The following SNTG1 variants were observed in gnomAD, a reference collection of about 807,000 sequenced individuals.
SNTG1 encodes the protein syntrophin gamma 1.
SNTG1 carries 39 observed loss-of-function variants against 74.7 expected under a neutral mutation model. That is an observed-to-expected ratio of 0.52 (90% confidence interval 0.40 to 0.68). The LOEUF (loss-of-function observed/expected upper bound fraction) is 0.68, where lower values mean the gene tolerates loss of function less well. Ranked by LOEUF, SNTG1 falls within the 30% of genes least tolerant of loss-of-function variation. SNTG1 has a pLI of 0.00. For missense variants in SNTG1, 685 were observed against 609.5 expected (o/e 1.12, Z -1.30); for synonymous variants, 254 against 217.1 (o/e 1.17, Z -1.49).
rs2095185226 is a variant in SNTG1, at chr8:50,656,897, A to G, written c.850-12A>G. On this transcript the variant is annotated splice_polypyrimidine_tract_variant and intron_variant, in intron 13 of 18. Coordinates refer to ENST00000642720, the MANE Select transcript of SNTG1 (RefSeq NM_018967.5). ...AAGTTTTGACAGTTGATTGTATTCCATTTTCTTGCAGATTGTCTACATGGG... is the reference window on the plus strand; with the variant it reads ...AAGTTTTGACAGTTGATTGTATTCCGTTTTCTTGCAGATTGTCTACATGGG... The G allele has an allele frequency of 4.4e-6, 7 of 1,580,064 alleles. No individual in the cohort carries two copies. The East Asian group carries it at 1.4e-4, about 31-fold the overall frequency.
intron 13 of SNTG1, among the ~76,000 whole-genome samples, chr8:50,629,267 C>T (rs1051693949): frequency 6.6e-6 from 1 of 151,834 alleles, no homozygotes; most frequent in Non-Finnish European, 1.5e-5. Context: ...TTTTTTATCA[C>T]TATTAGATTT....
At chr8:50,354,171 T>C (rs895310783) in intron 2 of SNTG1, among the ~76,000 whole-genome samples, 3 of 152,210 alleles carry the variant, frequency 2.0e-5, no homozygotes, top group African/African-American at 7.2e-5. Flanking sequence ...CCAGTTGTTC[T>C]TTATTAGCTG....
intron 18 of SNTG1, among the ~76,000 whole-genome samples, chr8:50,772,788 T>A (rs1563824636): frequency 6.6e-6 from 1 of 152,062 alleles, no homozygotes; most frequent in Admixed American, 6.6e-5. Flanking sequence ...ATAAATAAAT[T>A]AATTCCCTGC....
At chr8:50,446,351 T>C (rs1306829817) in intron 5 of SNTG1, among the ~76,000 whole-genome samples, 1 of 144,322 alleles carries the variant, frequency 6.9e-6, no homozygotes, top group Non-Finnish European at 1.5e-5. Flanking sequence ...AAAAAGTACA[T>C]CAGAGCTCCA....
intron 13 of SNTG1, among the ~76,000 whole-genome samples, chr8:50,647,895 T>A (rs1040060085): frequency 9.9e-5 from 15 of 152,076 alleles, no homozygotes; most frequent in African/African-American, 3.6e-4. Context: ...TTTTTACATT[T>A]TTTTTTTAGA....
intron 2 of SNTG1, among the ~76,000 whole-genome samples, chr8:50,320,909 T>C (rs2090504082): frequency 6.6e-6 from 1 of 152,170 alleles, no homozygotes; most frequent in East Asian, 1.9e-4. Flanking sequence ...TTAAATGTTT[T>C]AAGACCTGTT....
chr8:50,397,804 C>T (rs2092747064), intron 3 of SNTG1, among the ~76,000 whole-genome samples: 1 of 152,122 alleles, frequency 6.6e-6, no homozygotes, highest in African/African-American at 2.4e-5. Flanking sequence ...GGTGAAGAGC[C>T]TAGCTGCCTG....
At chr8:50,405,461 T>G (rs6984673) in intron 4 of SNTG1, among the ~76,000 whole-genome samples, 2,691 of 152,204 alleles carry the variant, frequency 0.018, 73 homozygotes, top group African/African-American at 0.061. Flanking sequence ...TGGGTAAGTG[T>G]CTATTCATAT....
At chr8:50,762,478 A>C (rs186392263) in intron 18 of SNTG1, 37 of 346,620 alleles carry the variant, frequency 1.1e-4, no homozygotes, top group African/African-American at 7.5e-4. Context: ...TAAATAAGGC[A>C]GTGGCCAACT....
At position 50,218,349 on chromosome 8, in the gene SNTG1, A is replaced by G. The variant is rs539926484; in HGVS notation, c.-28+45714A>G. Among the ~76,000 whole-genome samples, 28 of 152,300 alleles carry G rather than the reference A, an allele frequency of 1.8e-4. 1 individual carries two copies. Among genetic ancestry groups the G allele is most frequent in the African/African-American group, 6.7e-4 (28 of 41,566 alleles). On this transcript the variant is annotated intron_variant, in intron 2 of 18. Transcript: ENST00000642720. ...TAAAAATTTAAGAAAAAAAATTTAA[A>G]TGCTCACAAAGAAAAGAATTCATTC...
At chr8:50,734,852 TATATATATCTATATATATGGAC>T in intron 17 of SNTG1, among the ~76,000 whole-genome samples, 8 of 122,452 alleles carry the variant, frequency 6.5e-5, no homozygotes, top group African/African-American at 2.1e-4. Context: ...TATATGGACA[TATATATATCTATATATATGGAC>T]ATATATATAT....
chr8:50,778,286 C>A (rs1475145703), intron 18 of SNTG1, among the ~76,000 whole-genome samples: 2 of 152,174 alleles, frequency 1.3e-5, no homozygotes, highest in Non-Finnish European at 2.9e-5. Flanking sequence ...ACACTGACTT[C>A]CACAATGGTT....
chr8:50,033,655 T>C (rs1262565091), intron 1 of SNTG1, among the ~76,000 whole-genome samples: 1 of 152,170 alleles, frequency 6.6e-6, no homozygotes, highest in Non-Finnish European at 1.5e-5. Flanking sequence ...CATGTGATTT[T>C]TTTTCTCTGT....
chr8:50,037,614 G>A (rs1818272839), intron 1 of SNTG1, among the ~76,000 whole-genome samples: 1 of 152,188 alleles, frequency 6.6e-6, no homozygotes, highest in East Asian at 1.9e-4. Context: ...TTTAAAAGAA[G>A]CAATGATGTA....
intron 9 of SNTG1, among the ~76,000 whole-genome samples, chr8:50,526,621 G>A (rs1463557219): frequency 6.9e-6 from 1 of 145,022 alleles, no homozygotes; most frequent in South Asian, 2.2e-4. Context: ...GTGTGTGTGT[G>A]TATACACAAA....
At chr8:50,287,387 C>T (rs531828577) in intron 2 of SNTG1, among the ~76,000 whole-genome samples, 26 of 152,292 alleles carry the variant, frequency 1.7e-4, no homozygotes, top group African/African-American at 5.1e-4. Context: ...TGAAAGTTAA[C>T]GTCGTTGCCA....
At chr8:50,413,943 T>G (rs540390966) in intron 4 of SNTG1, among the ~76,000 whole-genome samples, 5 of 152,356 alleles carry the variant, frequency 3.3e-5, no homozygotes, top group African/African-American at 9.6e-5. Flanking sequence ...TCATAGTATT[T>G]TACATCACGA....
intron 1 of SNTG1, chr8:49,915,137 G>A (rs1805910953): frequency 1.3e-5 from 2 of 152,112 alleles, no homozygotes; most frequent in South Asian, 2.1e-4. Flanking sequence ...TCAATCCACT[G>A]CAGCTGAATT....
intron 1 of SNTG1, among the ~76,000 whole-genome samples, chr8:50,086,449 G>T (rs1383706084): frequency 1.3e-5 from 2 of 152,300 alleles, no homozygotes; most frequent in South Asian, 4.1e-4. Context: ...TAGAAAAAGG[G>T]TCAATATGAT....
Sources: allele counts gnomAD v4.1 joint callset (sites outside exome capture counted in the v4.1 genomes callset), GRCh38; gene constraint gnomAD v4.1.1; transcripts MANE v1.5; gene names NCBI Gene and HGNC (gene_info 2026-07-23, HGNC 2026-07-21).